The following PLCE1 variants were observed in gnomAD, a reference collection of about 807,000 sequenced individuals.
PLCE1 encodes phospholipase C epsilon 1, also known as 1-phosphatidylinositol 4,5-bisphosphate phosphodiesterase epsilon-1.
Under a neutral mutation model 242.8 loss-of-function variants are expected in PLCE1, and 119 were observed. The ratio of observed to expected loss-of-function variants is 0.49; its 90% confidence interval spans 0.42 to 0.57. The LOEUF is 0.57. Ranked by LOEUF, PLCE1 falls within the 20% of genes least tolerant of loss-of-function variation. PLCE1 has a pLI of 0.00. For missense variants in PLCE1, 2,441 were observed against 2,788.8 expected, an observed-to-expected ratio of 0.88 and a Z score of 2.81; for synonymous variants, 945 against 1,017.4, an observed-to-expected ratio of 0.93 and a Z score of 1.35.
intron 1 of PLCE1, among the ~76,000 whole-genome samples, chr10:94,010,729 C>CA (rs2061153062): frequency 6.6e-6 from 1 of 152,182 alleles, no homozygotes; most frequent in Admixed American, 6.5e-5. Flanking sequence ...TCACAGATCC[C>CA]AAGGACTTGG....
At chr10:94,132,533 C>T (rs777669682) in intron 3 of PLCE1, 74 bp downstream of exon 3, 8 of 1,393,172 alleles carry the variant, frequency 5.7e-6, no homozygotes, top group Non-Finnish European at 8.1e-6. Context: ...ATTTATGTAT[C>T]TCCTGATGGA....
In PLCE1 at chr10:94,246,360, C is replaced by T. The variant is rs893220260; in HGVS notation, c.2835C>T (p.Tyr945=). 1.2e-6 allele frequency: 2 copies of T among 1,614,040 alleles called. No homozygotes were observed. Among genetic ancestry groups the T allele is most frequent in the African/African-American group, 2.7e-5 (2 of 74,908 alleles). ...ATCTTTTTGCAGTGAAGGCTGTATA[C>T]ATGGGCCACCCTGGCATTGATATAC... ...VLDLFAVKAV[Y]MGHPGIDIHT... The change falls in exon 8 of 33, where the codon TAC becomes TAT. Residue 945 remains tyrosine, a synonymous_variant. Coordinates refer to ENST00000371380, the MANE Select transcript of PLCE1 (RefSeq NM_016341.4).
chr10:94,071,495 GTTT>G (rs559496577), intron 2 of PLCE1, among the ~76,000 whole-genome samples: 22 of 83,300 alleles, frequency 2.6e-4, no homozygotes, highest in Non-Finnish European at 4.0e-4. Flanking sequence ...TTTGGTTTTC[GTTT>G]TTTTTTTTTT....
chr10:94,257,836 G>C (rs543475298), intron 11 of PLCE1, among the ~76,000 whole-genome samples: 1 of 152,044 alleles, frequency 6.6e-6, no homozygotes, highest in African/African-American at 2.4e-5. Context: ...CGAGTTAATG[G>C]GTGCAGCATA....
chr10:94,205,780 T>G (rs927924864), intron 4 of PLCE1, among the ~76,000 whole-genome samples: 2 of 152,236 alleles, frequency 1.3e-5, no homozygotes, highest in Non-Finnish European at 2.9e-5. Flanking sequence ...CAAAAACCAC[T>G]GTTTTGATCC....
intron 32 of PLCE1, 161 bp downstream of exon 32, chr10:94,325,265 A>G (rs2053967251): frequency 1.6e-6 from 1 of 618,342 alleles, no homozygotes; most frequent in African/African-American, 1.8e-5. Context: ...CTCTGAAGAT[A>G]TGTGTAACAT....
In PLCE1 at chr10:94,331,156, A is replaced by G. The variant is rs2054151977; in HGVS notation, c.*3213A>G. Reference sequence around the variant, plus strand: ...ATTCTCCAGTTGGGAGTCAATATGAAGTCTAGACTCAACAAAAGTTGAGTT... The same window carrying G: ...ATTCTCCAGTTGGGAGTCAATATGAGGTCTAGACTCAACAAAAGTTGAGTT... On this transcript the variant is annotated 3_prime_UTR_variant, in exon 33 of 33. Coordinates refer to ENST00000371380, the MANE Select transcript of PLCE1 (RefSeq NM_016341.4). 1.3e-5 allele frequency: 2 copies of G among 152,232 alleles called. No individual in the cohort carries two copies. The highest frequency in any genetic ancestry group is 4.8e-5 in the African/African-American group (2 of 41,458). 9.4% of individuals were successfully genotyped at this position (152,232 alleles called of 1,614,324 possible).
At chr10:94,029,365 G>T (rs1242421142) in intron 1 of PLCE1, among the ~76,000 whole-genome samples, 2 of 152,102 alleles carry the variant, frequency 1.3e-5, no homozygotes, top group African/African-American at 2.4e-5. Context: ...GTTGTTCATG[G>T]TGTGCTTTGA....
At chr10:94,253,741 G>A (rs756257889) in intron 9 of PLCE1, among the ~76,000 whole-genome samples, 7 of 152,070 alleles carry the variant, frequency 4.6e-5, no homozygotes, top group Non-Finnish European at 7.3e-5. Context: ...CCATTCATGA[G>A]GGATCCACCC....
At chr10:94,293,719 C>G in intron 23 of PLCE1, 80 bp downstream of exon 23, 4 of 1,494,676 alleles carry the variant, frequency 2.7e-6, no homozygotes, top group Non-Finnish European at 3.7e-6. Flanking sequence ...AAGCACTTCC[C>G]TTGAATTTTT....
At chr10:94,118,895 C>G (rs772943498) in intron 2 of PLCE1, among the ~76,000 whole-genome samples, 1 of 152,134 alleles carries the variant, frequency 6.6e-6, no homozygotes, top group Non-Finnish European at 1.5e-5. Context: ...TTTAATGCCA[C>G]GACCCGTCCA....
intron 3 of PLCE1, among the ~76,000 whole-genome samples, chr10:94,158,338 A>G (rs983153228): frequency 1.3e-5 from 2 of 152,172 alleles, no homozygotes. Context: ...CAGTAATGCC[A>G]TCTTCCCCTA....
At chr10:94,225,258 A>G (rs2049898029) in intron 4 of PLCE1, 1 of 151,998 alleles carries the variant, frequency 6.6e-6, no homozygotes. Context: ...TGTTTTTTTC[A>G]TCTCTTTAGT....
At chr10:94,304,412 A>T in intron 24 of PLCE1, 70 bp from the exon 25 acceptor site, 1 of 1,404,110 alleles carries the variant, frequency 7.1e-7, no homozygotes, top group Admixed American at 1.7e-5. Context: ...TTGAACTTTC[A>T]ATTTATAAGG....
At chr10:94,139,774 C>T (rs577957919) in intron 3 of PLCE1, among the ~76,000 whole-genome samples, 2 of 151,970 alleles carry the variant, frequency 1.3e-5, no homozygotes, top group African/African-American at 2.4e-5. Flanking sequence ...TTGTAGGTAG[C>T]CATATAGTAG....
intron 2 of PLCE1, chr10:94,100,308 C>T (rs941075168): frequency 6.6e-6 from 1 of 152,154 alleles, no homozygotes; most frequent in Non-Finnish European, 1.5e-5. Flanking sequence ...TTGCAGTCTT[C>T]ACCACCCCCT....
intron 2 of PLCE1, among the ~76,000 whole-genome samples, chr10:94,066,012 A>G (rs2044185403): frequency 6.6e-6 from 1 of 152,150 alleles, no homozygotes; most frequent in Non-Finnish European, 1.5e-5. Context: ...TTAAAGAGGC[A>G]GTATTTTGGC....
intron 1 of PLCE1, among the ~76,000 whole-genome samples, chr10:94,021,454 G>A (rs916654345): frequency 1.3e-5 from 2 of 151,924 alleles, no homozygotes; most frequent in East Asian, 1.9e-4. Flanking sequence ...ATGACATGGG[G>A]GTTGATGTTC....
At chr10:94,013,958 A>T (rs555946285) in intron 1 of PLCE1, among the ~76,000 whole-genome samples, 1 of 151,578 alleles carries the variant, frequency 6.6e-6, no homozygotes, top group Non-Finnish European at 1.5e-5. Flanking sequence ...ATGGCCACCT[A>T]TGGGTTATGT....
Sources: gnomAD v4.1 joint callset for allele counts (sites outside exome capture counted in the v4.1 genomes callset) on GRCh38, gnomAD v4.1.1 for gene constraint, MANE v1.5 for transcripts, NCBI Gene and HGNC (gene_info 2026-07-23, HGNC 2026-07-21) for gene names.